Variants in PCDHGA9 observed in about 807,000 individuals in gnomAD.
PCDHGA9 encodes the protein protocadherin gamma-A9.
PCDHGA9 carries 37 observed loss-of-function variants against 62.5 expected under a neutral mutation model. That is an observed-to-expected ratio of 0.59 (90% confidence interval 0.46 to 0.78). The LOEUF (loss-of-function observed/expected upper bound fraction) is 0.78, where lower values mean the gene tolerates loss of function less well. Among genes scored for constraint, PCDHGA9 ranks in the 30% least tolerant of loss-of-function variants. The pLI is 0.00. For synonymous variants in PCDHGA9, 459 were observed against 484.6 expected (o/e 0.95, Z 0.69); for missense variants, 1,138 against 1,166.2 (o/e 0.98, Z 0.35).
intron 1 of PCDHGA9, among the ~76,000 whole-genome samples, chr5:141,466,735 T>C (rs2099128254): frequency 6.6e-6 from 1 of 152,224 alleles, no homozygotes; most frequent in South Asian, 2.1e-4. Context: ...GCAGAATTCA[T>C]GTTACTCTGA....
At chr5:141,459,874 A>G (rs922438277) in intron 1 of PCDHGA9, among the ~76,000 whole-genome samples, 10 of 152,156 alleles carry the variant, frequency 6.6e-5, no homozygotes, top group African/African-American at 2.4e-4. Flanking sequence ...TTCATCTTTA[A>G]CTGAGCTGAA....
At chr5:141,420,216 T>C in intron 1 of PCDHGA9, 1 of 1,609,316 alleles carries the variant, frequency 6.2e-7, no homozygotes, top group African/African-American at 1.3e-5. Context: ...AAAGATAGCA[T>C]GCTACTGGCT....
At chr5:141,409,638 C>A (rs1040366842) in intron 1 of PCDHGA9, 1 of 1,613,648 alleles carries the variant, frequency 6.2e-7, no homozygotes, top group Admixed American at 1.7e-5. Flanking sequence ...GCCTCTGACC[C>A]GGATTTGGGG....
At chr5:141,442,005 C>G (rs1037210381) in intron 1 of PCDHGA9, 1 of 229,014 alleles carries the variant, frequency 4.4e-6, no homozygotes. Flanking sequence ...GCTGACAGCT[C>G]GCACGATGGG....
In PCDHGA9 at chr5:141,476,149, A is replaced by T. The variant is rs1042362185; in HGVS notation, c.2425-18658A>T. The stretch of plus-strand genomic sequence containing the variant: ...CAGAGGCCTGGAGGAGCGGACTGGT[A>T]AGCACCGGGAGGGTAGTGGGAGTTT... On this transcript the variant is annotated intron_variant, in intron 1 of 3. Transcript: ENST00000573521. This position sits in a 1 kb window ranked among gnomAD's most constrained non-coding sequence, Gnocchi z 7.6. 4 of 1,611,688 alleles carry T rather than the reference A, an allele frequency of 2.5e-6. No individual in the cohort carries two copies. In the African/African-American group the frequency reaches 5.3e-5, roughly 22 times the overall value.
chr5:141,492,026 G>A, intron 1 of PCDHGA9: 1 of 567,198 alleles, frequency 1.8e-6, no homozygotes, highest in South Asian at 2.9e-5. Flanking sequence ...GGGGTCCCGG[G>A]AGGAGGCAGT....
rs547284271 is a variant in PCDHGA9 at position 141,489,064 on chromosome 5, C to G, written c.2425-5743C>G. On this transcript the variant is annotated intron_variant, in intron 1 of 3. Coordinates refer to ENST00000573521, the MANE Select transcript of PCDHGA9 (RefSeq NM_018921.3). This position sits in a 1 kb window ranked among gnomAD's most constrained non-coding sequence, Gnocchi z 4.5. ...TCCACTCAAATTCAGCTCCCCTCCC[C>G]CCTGCCCACCCCCGCCACTCGGTGA... 1.9e-4 allele frequency: 74 copies of G among 387,742 alleles called. No homozygotes were observed. The highest frequency in any genetic ancestry group is 1.5e-3 in the African/African-American group (70 of 47,296). The allele number at this position is 387,742 out of a possible 1,614,324, so 24.0% of individuals were successfully genotyped here. A position where few individuals can be genotyped will look rare whatever the true frequency, so the allele number is the denominator to read the frequency against.
chr5:141,470,021 C>T (rs111919483), intron 1 of PCDHGA9, among the ~76,000 whole-genome samples: 8 of 152,156 alleles, frequency 5.3e-5, no homozygotes, highest in African/African-American at 1.9e-4. Flanking sequence ...CCCAGCTACT[C>T]GGGATGCTGA....
intron 1 of PCDHGA9, among the ~76,000 whole-genome samples, chr5:141,436,701 A>C (rs571525375): frequency 6.9e-4 from 105 of 152,332 alleles, no homozygotes; most frequent in Non-Finnish European, 9.4e-4. Context: ...ATGCCAGCAC[A>C]CTCGATGTTC....
intron 1 of PCDHGA9, among the ~76,000 whole-genome samples, chr5:141,437,886 C>T (rs763669578): frequency 1.1e-4 from 17 of 152,140 alleles, no homozygotes; most frequent in Non-Finnish European, 1.5e-4. Context: ...TACAGGCACA[C>T]GCCACCACAC....
chr5:141,508,627 C>T (rs566012494), intron 3 of PCDHGA9, among the ~76,000 whole-genome samples: 1 of 152,262 alleles, frequency 6.6e-6, no homozygotes, highest in South Asian at 2.1e-4. Flanking sequence ...GTGGGCCGAG[C>T]TTCTAGCTAC....
chr5:141,449,724 A>AT (rs911465424), intron 1 of PCDHGA9, among the ~76,000 whole-genome samples: 1 of 151,176 alleles, frequency 6.6e-6, no homozygotes, highest in African/African-American at 2.4e-5. Context: ...ATATGATATG[A>AT]TTTTTTTATG....
chr5:141,512,917 T>C lies in PCDHGA9; in HGVS notation c.*1744T>C, dbSNP rs543880225. On this transcript the variant is annotated 3_prime_UTR_variant, in exon 4 of 4. Transcript: ENST00000573521. ...TGTGTCTCACGCAAGTTTTATACTCTAATATTTATATGGCTTTTTTTCTTC... is the reference window on the plus strand; with the variant it reads ...TGTGTCTCACGCAAGTTTTATACTCCAATATTTATATGGCTTTTTTTCTTC... The C allele has an allele frequency of 1.3e-5, 2 of 152,378 alleles. No individual in the cohort carries two copies. Among genetic ancestry groups the C allele is most frequent in the African/African-American group, 2.4e-5 (1 of 41,588 alleles). The allele number at this position is 152,378 out of a possible 1,614,324, so 9.4% of individuals were successfully genotyped here.
intron 1 of PCDHGA9, chr5:141,433,025 G>A: frequency 6.2e-7 from 1 of 1,614,144 alleles, no homozygotes; most frequent in Non-Finnish European, 8.5e-7. Context: ...CTATTCCCAC[G>A]AGGTTTCCCT....
intron 1 of PCDHGA9, among the ~76,000 whole-genome samples, chr5:141,456,857 G>A (rs957526443): frequency 6.6e-5 from 10 of 152,234 alleles, no homozygotes; most frequent in African/African-American, 2.4e-4. Context: ...CAGCTAATTG[G>A]GAGGCTGAGG....
At position 141,486,891 on chromosome 5, in the gene PCDHGA9, G is replaced by C. The variant is rs201201426; in HGVS notation, c.2425-7916G>C. On this transcript the variant is annotated intron_variant, in intron 1 of 3. Transcript: ENST00000573521. This position sits in a 1 kb window ranked among gnomAD's most constrained non-coding sequence, Gnocchi z 5.0. ...GTGCTCCGTCCTCGGGCCCGGCCTGGTTCCTTATGTCCCCAAGCACTGCCT... is the reference window on the plus strand; with the variant it reads ...GTGCTCCGTCCTCGGGCCCGGCCTGCTTCCTTATGTCCCCAAGCACTGCCT... 14 of 1,614,118 alleles carry C rather than the reference G, an allele frequency of 8.7e-6. No homozygotes were observed. The highest frequency in any genetic ancestry group is 3.3e-5 in the Admixed American group (2 of 60,008).
chr5:141,429,760 C>A (rs1036499079), intron 1 of PCDHGA9, among the ~76,000 whole-genome samples: 1 of 152,020 alleles, frequency 6.6e-6, no homozygotes, highest in Non-Finnish European at 1.5e-5. Flanking sequence ...AATTTTTTCC[C>A]TATATTTTGA....
chr5:141,426,970 A>G (rs772659046), intron 1 of PCDHGA9: 1 of 456,742 alleles, frequency 2.2e-6, no homozygotes. Context: ...ATTCAAATTG[A>G]GGTCACTGAT....
intron 3 of PCDHGA9, among the ~76,000 whole-genome samples, chr5:141,508,937 G>T (rs764041162): frequency 3.0e-4 from 45 of 152,040 alleles, no homozygotes; most frequent in Non-Finnish European, 6.3e-4. Flanking sequence ...AGTTAATTAG[G>T]GAAAACAGAG....
Sources: gnomAD v4.1 joint callset for allele counts (sites outside exome capture counted in the v4.1 genomes callset) on GRCh38, gnomAD v4.1.1 for gene constraint, Gnocchi (gnomAD v3.1) non-coding constraint, MANE v1.5 for transcripts, NCBI Gene and HGNC (gene_info 2026-07-23, HGNC 2026-07-21) for gene names.